The following STK38 variants were observed in gnomAD, a reference collection of about 807,000 sequenced individuals.
STK38 encodes the protein serine/threonine-protein kinase 38.
STK38 carries 26 observed loss-of-function variants against 59.0 expected under a neutral mutation model. The ratio of observed to expected loss-of-function variants is 0.44; its 90% CI spans 0.32 to 0.61. STK38 has a LOEUF of 0.61. STK38 is among the 20% of genes least tolerant of loss of function. STK38 has a pLI of 0.04. For synonymous variants in STK38, 175 were observed against 176.6 expected, an observed-to-expected ratio of 0.99 and a Z score of 0.07; for missense variants, 433 against 566.0, an observed-to-expected ratio of 0.76 and a Z score of 2.38.
chr6:36,500,995 T>G (rs1004663731), intron 9 of STK38, among the ~76,000 whole-genome samples: 2 of 150,946 alleles, frequency 1.3e-5, no homozygotes, highest in East Asian at 2.0e-4. Flanking sequence ...TCTCCCTTTG[T>G]GGGCCCAGGC....
At chr6:36,524,226 C>T in intron 4 of STK38, 115 bp downstream of exon 4, 1 of 1,292,702 alleles carries the variant, frequency 7.7e-7, no homozygotes, top group Non-Finnish European at 1.0e-6. Context: ...GGCTGGCATG[C>T]CTGACTCATT....
Position 36,496,775 on chromosome 6 carries a change from G to C in STK38, c.1203C>G (p.Ile401Met), listed in dbSNP as rs762637869. ...AGTTTGAGGTATCATCAATGCTTTTGATTTCAATAGATATTGCAGCAGGTC... is the reference window on the plus strand; with the variant it reads ...AGTTTGAGGTATCATCAATGCTTTTCATTTCAATAGATATTGCAGCAGGTC... ...RERPAAISIE[I>M]KSIDDTSNFD... The change falls in exon 13 of 14, where the codon ATC (isoleucine) becomes ATG (methionine). Residue 401 changes from isoleucine (I) to methionine (M), a missense_variant. This residue lies in a region of STK38 where 136 missense variants were observed against 156.7 expected (regional missense o/e 0.87). Coordinates refer to ENST00000229812, the MANE Select transcript of STK38 (RefSeq NM_007271.4). 1 of 1,612,986 alleles carries C rather than the reference G, an allele frequency of 6.2e-7. No individual in the cohort carries two copies. The highest frequency in any genetic ancestry group is 1.1e-5 in the South Asian group (1 of 90,726).
chr6:36,498,366 A>C lies in STK38; in HGVS notation c.1073T>G (p.Leu358Trp). The change falls in exon 11 of 14, where the codon TTG becomes TGG. Residue 358 changes from leucine (L) to tryptophan (W), a missense_variant. Physicochemically the swap from Leu to Trp is moderately conservative, Grantham distance 61. Around this residue, in one of 3 missense-constraint regions of STK38, gnomAD observed 136 missense variants for 156.7 expected, o/e 0.87. Coordinates refer to ENST00000229812, the MANE Select transcript of STK38 (RefSeq NM_007271.4). ...GTGGAGGGATGTTCTCTAATACCTCAAAATTAGATCCTTGGCTTTCTCAGA... is the reference window on the plus strand; with the variant it reads ...GTGGAGGGATGTTCTCTAATACCTCCAAATTAGATCCTTGGCTTTCTCAGA... Reference protein sequence around the residue: ...PISEKAKDLILRFCCEWEHRI... With the variant: ...PISEKAKDLIWRFCCEWEHRI... 6.2e-7 allele frequency: 1 copy of C among 1,612,012 alleles called. No homozygotes were observed. The highest frequency in any genetic ancestry group is 8.5e-7 in the Non-Finnish European group (1 of 1,179,502).
intron 5 of STK38, among the ~76,000 whole-genome samples, chr6:36,521,009 C>A (rs951014967): frequency 2.0e-5 from 3 of 152,144 alleles, no homozygotes; most frequent in Non-Finnish European, 4.4e-5. Flanking sequence ...CCACTGCAAT[C>A]TTTTCTTAAG....
intron 6 of STK38, 71 bp from the exon 7 acceptor site, chr6:36,515,563 G>C: frequency 4.5e-6 from 7 of 1,564,452 alleles, no homozygotes; most frequent in Non-Finnish European, 6.0e-6. Flanking sequence ...CACAACATAC[G>C]AGTGAGTACC....
intron 7 of STK38, among the ~76,000 whole-genome samples, chr6:36,513,595 C>T (rs1361717440): frequency 6.6e-6 from 1 of 151,994 alleles, no homozygotes. Flanking sequence ...TTATTACAGG[C>T]GTAAGCCACC....
At chr6:36,520,621 AC>A (rs1303808199) in intron 5 of STK38, among the ~76,000 whole-genome samples, 3 of 152,148 alleles carry the variant, frequency 2.0e-5, no homozygotes, top group Non-Finnish European at 4.4e-5. Flanking sequence ...CACCCATACC[AC>A]ACACTAATTT....
chr6:36,528,234 A>G (rs753735626), intron 2 of STK38, among the ~76,000 whole-genome samples: 2 of 152,224 alleles, frequency 1.3e-5, no homozygotes, highest in Non-Finnish European at 2.9e-5. Context: ...ACTGAGTGCT[A>G]AAAGAGGCTT....
intron 2 of STK38, among the ~76,000 whole-genome samples, chr6:36,526,817 C>G (rs1777524300): frequency 6.6e-6 from 1 of 151,932 alleles, no homozygotes; most frequent in South Asian, 2.1e-4. Flanking sequence ...TCACTTGAAC[C>G]CAGGAGGTGG....
chr6:36,534,379 T>G (rs764243255), intron 2 of STK38, among the ~76,000 whole-genome samples: 6 of 152,198 alleles, frequency 3.9e-5, no homozygotes, highest in Non-Finnish European at 7.3e-5. Context: ...CTGAGTGCAG[T>G]GGCTCACACT....
intron 9 of STK38, among the ~76,000 whole-genome samples, chr6:36,501,814 G>A (rs1776848078): frequency 6.6e-6 from 1 of 152,144 alleles, no homozygotes; most frequent in Non-Finnish European, 1.5e-5. Context: ...ATATAAATTA[G>A]TCACAATAGT....
intron 4 of STK38, among the ~76,000 whole-genome samples, chr6:36,522,666 T>A (rs932168206): frequency 2.6e-5 from 4 of 151,980 alleles, no homozygotes; most frequent in African/African-American, 9.7e-5. Context: ...GAGACCAGCC[T>A]GGCCAACCTG....
intron 5 of STK38, among the ~76,000 whole-genome samples, chr6:36,518,144 C>T (rs900555425): frequency 6.6e-6 from 1 of 152,326 alleles, no homozygotes; most frequent in South Asian, 2.1e-4. Flanking sequence ...GTTAAAATTA[C>T]TACTCTTTTG....
intron 2 of STK38, among the ~76,000 whole-genome samples, chr6:36,532,048 A>C (rs1777677158): frequency 6.6e-6 from 1 of 152,194 alleles, no homozygotes; most frequent in Non-Finnish European, 1.5e-5. Flanking sequence ...TATTATTTCA[A>C]ACCTCCATCA....
Position 36,497,725 on chromosome 6 carries a change from T to C in STK38, c.1172+55A>G, listed in dbSNP as rs1215409454. The C allele has an allele frequency of 3.5e-6, 5 of 1,422,430 alleles. No individual in the cohort carries two copies. In the African/African-American group the frequency reaches 7.2e-5, roughly 20 times the overall value. The allele number at this position is 1,422,430 out of a possible 1,614,324, so 88.1% of individuals were successfully genotyped here. ...CAATGATGGTCCTTCCAAATTATTA[T>C]TAAGTAAACTAGAGACTTTCTGAAA... On this transcript the variant is annotated intron_variant, in intron 12 of 13. Transcript: ENST00000229812.
At chr6:36,522,532 T>C (rs151199692) in intron 4 of STK38, 4 of 150,680 alleles carry the variant, frequency 2.7e-5, no homozygotes, top group Non-Finnish European at 5.9e-5. Flanking sequence ...AAGTAAAACT[T>C]CATGCTTAGG....
intron 2 of STK38, 120 bp from the exon 3 acceptor site, chr6:36,525,762 G>T: frequency 8.0e-6 from 6 of 746,474 alleles, no homozygotes; most frequent in Non-Finnish European, 8.4e-6. Context: ...ATCTCAAAAT[G>T]TCTCATTAAA....
At chr6:36,540,615 C>A (rs1183493994) in intron 1 of STK38, among the ~76,000 whole-genome samples, 1 of 152,172 alleles carries the variant, frequency 6.6e-6, no homozygotes, top group Non-Finnish European at 1.5e-5. Context: ...ACCTGTAAGT[C>A]ACACAAATAT....
rs1430668031 is a variant in STK38, at chr6:36,515,504, A to G, written c.515-12T>C. The G allele has an allele frequency of 6.2e-7, 1 of 1,609,540 alleles. No homozygotes were observed. The highest frequency in any genetic ancestry group is 1.1e-5 in the South Asian group (1 of 90,882). On this transcript the variant is annotated splice_polypyrimidine_tract_variant and intron_variant, in intron 6 of 13. Coordinates refer to ENST00000229812, the MANE Select transcript of STK38 (RefSeq NM_007271.4). ...GGTCATCATGTCCCCTGGAAACAAG[A>G]AGATACAAAGCCACCACACACACAC...
Sources: allele counts gnomAD v4.1 joint callset (sites outside exome capture counted in the v4.1 genomes callset), GRCh38; gene constraint gnomAD v4.1.1; regional missense constraint gnomAD v4.1.1; transcripts MANE v1.5; gene names NCBI Gene and HGNC (gene_info 2026-07-23, HGNC 2026-07-21).